RAPGEF4: variants seen among roughly 807,000 people sequenced by gnomAD.
RAPGEF4 encodes RAP guanine-nucleotide-exchange factor (GEF) 4.
Under a neutral mutation model 147.9 loss-of-function variants are expected in RAPGEF4, and 66 were observed. The observed-to-expected ratio is 0.45, with a 90% CI of 0.37 to 0.55. The LOEUF (loss-of-function observed/expected upper bound fraction) is 0.55, where lower values mean the gene tolerates loss of function less well. Ranked by LOEUF, RAPGEF4 falls within the 20% of genes least tolerant of loss-of-function variation. The probability of loss-of-function intolerance (pLI) is 0.00; values close to 1 mark genes in which losing one functional copy is unlikely to be tolerated. For missense variants in RAPGEF4, 1,071 were observed against 1,257.3 expected, an observed-to-expected ratio of 0.85 and a Z score of 2.24; for synonymous variants, 419 against 442.7, an observed-to-expected ratio of 0.95 and a Z score of 0.67.
At chr2:172,947,436 G>A (rs945802802) in intron 6 of RAPGEF4, among the ~76,000 whole-genome samples, 3 of 152,180 alleles carry the variant, frequency 2.0e-5, no homozygotes, top group Admixed American at 2.0e-4. Flanking sequence ...CTGAAGGAAT[G>A]AATATTACTA....
intron 26 of RAPGEF4, among the ~76,000 whole-genome samples, chr2:173,033,275 A>C (rs1240694439): frequency 2.0e-5 from 3 of 152,200 alleles, no homozygotes; most frequent in Non-Finnish European, 4.4e-5. Flanking sequence ...GGGGATGTGA[A>C]TTACAGGCTC....
At chr2:172,909,236 C>G (rs1699887800) in intron 4 of RAPGEF4, among the ~76,000 whole-genome samples, 1 of 152,178 alleles carries the variant, frequency 6.6e-6, no homozygotes, top group South Asian at 2.1e-4. Flanking sequence ...TGAGCCCTCC[C>G]AAGTGTTGCT....
intron 1 of RAPGEF4, among the ~76,000 whole-genome samples, chr2:172,794,359 AAAAAAAG>A (rs1432148109): frequency 9.3e-5 from 14 of 151,074 alleles, no homozygotes; most frequent in African/African-American, 2.7e-4. Flanking sequence ...AAAAAAAAAA[AAAAAAAG>A]AAAAAAGAAA....
intron 10 of RAPGEF4, among the ~76,000 whole-genome samples, chr2:172,970,465 G>A (rs1006629085): frequency 6.6e-6 from 1 of 152,200 alleles, no homozygotes; most frequent in Non-Finnish European, 1.5e-5. Flanking sequence ...CAGCACGGCT[G>A]CATTTTATAA....
At chr2:173,018,244 G>A (rs1174350152) in intron 21 of RAPGEF4, among the ~76,000 whole-genome samples, 1 of 152,232 alleles carries the variant, frequency 6.6e-6, no homozygotes, top group Non-Finnish European at 1.5e-5. Context: ...GTCAGCACGT[G>A]CTCATGGCCC....
At chr2:172,926,035 GA>G (rs1685316970) in intron 6 of RAPGEF4, among the ~76,000 whole-genome samples, 1 of 24,504 alleles carries the variant, frequency 4.1e-5, no homozygotes, top group Non-Finnish European at 9.9e-5. Flanking sequence ...GGGAGGGACG[GA>G]GGGAGGGAGG....
intron 25 of RAPGEF4, 62 bp downstream of exon 25, chr2:173,027,321 C>A: frequency 7.3e-7 from 1 of 1,373,006 alleles, no homozygotes; most frequent in Non-Finnish European, 9.8e-7. Context: ...ATTTTGTTTT[C>A]TTAGACTACA....
chr2:173,051,904 C>A lies in RAPGEF4; in HGVS notation c.*137C>A. ...AAACACATCCTGAGACACCTCAGGG[C>A]TGCATTCAGCTTACCAGCTACCTAG... On this transcript the variant is annotated 3_prime_UTR_variant, in exon 31 of 31. Coordinates refer to ENST00000397081, the MANE Select transcript of RAPGEF4 (RefSeq NM_007023.4). 1.1e-6 allele frequency: 1 copy of A among 931,904 alleles called. No homozygotes were observed. Among genetic ancestry groups the A allele is most frequent in the Non-Finnish European group, 1.6e-6 (1 of 625,468 alleles). 57.7% of individuals were successfully genotyped at this position (931,904 alleles called of 1,614,324 possible).
intron 4 of RAPGEF4, among the ~76,000 whole-genome samples, chr2:172,824,696 A>C (rs1390833989): frequency 6.6e-6 from 1 of 152,222 alleles, no homozygotes; most frequent in East Asian, 1.9e-4. Flanking sequence ...CCACCATCCC[A>C]CAAATGCACC....
At chr2:173,010,174 C>G (rs943212673) in intron 17 of RAPGEF4, among the ~76,000 whole-genome samples, 2 of 152,328 alleles carry the variant, frequency 1.3e-5, no homozygotes, top group East Asian at 3.9e-4. Flanking sequence ...TCCTGTGATT[C>G]CATGACTTAC....
chr2:172,751,145 C>T (rs2149442688), intron 1 of RAPGEF4, among the ~76,000 whole-genome samples: 1 of 152,300 alleles, frequency 6.6e-6, no homozygotes, highest in East Asian at 1.9e-4. Context: ...TCCATCTTCC[C>T]CCACCCAAAT....
chr2:172,799,730 C>A (rs1483544896), intron 3 of RAPGEF4, among the ~76,000 whole-genome samples: 2 of 151,852 alleles, frequency 1.3e-5, no homozygotes, highest in Admixed American at 1.3e-4. Context: ...GAAAGGGAAG[C>A]AAGATGAGAA....
intron 4 of RAPGEF4, among the ~76,000 whole-genome samples, chr2:172,875,660 A>G (rs1695828492): frequency 6.6e-6 from 1 of 152,132 alleles, no homozygotes; most frequent in African/African-American, 2.4e-5. Flanking sequence ...GCCTTGTAGT[A>G]TAGTTTGAAG....
At chr2:172,786,346 T>C (rs1399959959) in intron 1 of RAPGEF4, among the ~76,000 whole-genome samples, 1 of 152,158 alleles carries the variant, frequency 6.6e-6, no homozygotes, top group Non-Finnish European at 1.5e-5. Context: ...GTTGATTCCA[T>C]TTGCCACTAG....
intron 9 of RAPGEF4, among the ~76,000 whole-genome samples, chr2:172,966,075 A>T (rs933042699): frequency 6.6e-6 from 1 of 152,186 alleles, no homozygotes; most frequent in Non-Finnish European, 1.5e-5. Flanking sequence ...AAAGTAAGTA[A>T]TGAATTCGGA....
chr2:172,940,279 T>C (rs939569179), intron 6 of RAPGEF4, among the ~76,000 whole-genome samples: 4 of 152,114 alleles, frequency 2.6e-5, no homozygotes, highest in African/African-American at 4.8e-5. Flanking sequence ...CACTTTTTTC[T>C]TCTGTGTTGT....
At chr2:172,894,042 C>G (rs930075660) in intron 4 of RAPGEF4, 3 of 152,318 alleles carry the variant, frequency 2.0e-5, no homozygotes, top group African/African-American at 7.2e-5. Flanking sequence ...CTTCTTCGTT[C>G]TTGAATTTAA....
intron 4 of RAPGEF4, among the ~76,000 whole-genome samples, chr2:172,876,961 G>T (rs145013460): frequency 6.6e-6 from 1 of 152,058 alleles, no homozygotes; most frequent in African/African-American, 2.4e-5. Flanking sequence ...ACTTCTTCCT[G>T]GTTTAGTCTT....
intron 13 of RAPGEF4, 152 bp from the exon 14 acceptor site, chr2:172,988,541 T>C: frequency 9.2e-7 from 1 of 1,084,888 alleles, no homozygotes; most frequent in Non-Finnish European, 1.3e-6. Context: ...AAAGTGAACA[T>C]CATAATGTAA....
Sources: gnomAD v4.1 joint callset for allele counts (sites outside exome capture counted in the v4.1 genomes callset) on GRCh38, gnomAD v4.1.1 for gene constraint, MANE v1.5 for transcripts, NCBI Gene and HGNC (gene_info 2026-07-23, HGNC 2026-07-21) for gene names.